Variants in GAP43 observed in about 807,000 individuals in gnomAD.
GAP43 encodes the protein neuromodulin.
Under a neutral mutation model 18.6 loss-of-function variants are expected in GAP43, and 6 were observed. The observed-to-expected ratio is 0.32, with a 90% CI of 0.18 to 0.64. GAP43 has a LOEUF of 0.64. Among genes scored for constraint, GAP43 ranks in the 30% least tolerant of loss-of-function variants. The pLI, the probability that GAP43 is intolerant of heterozygous loss-of-function variation, is 0.78. For synonymous variants in GAP43, 115 were observed against 111.4 expected, an observed-to-expected ratio of 1.03 and a Z score of -0.20; for missense variants, 292 against 295.5, an observed-to-expected ratio of 0.99 and a Z score of 0.09.
At chr3:115,646,682 T>C (rs1708461539) in intron 1 of GAP43, among the ~76,000 whole-genome samples, 2 of 151,926 alleles carry the variant, frequency 1.3e-5, no homozygotes, top group Non-Finnish European at 2.9e-5. Flanking sequence ...CTCAGAAATA[T>C]TTACAGTGCT....
At chr3:115,660,593 C>T (rs1035830425) in intron 1 of GAP43, among the ~76,000 whole-genome samples, 1 of 152,186 alleles carries the variant, frequency 6.6e-6, no homozygotes, top group African/African-American at 2.4e-5. Flanking sequence ...AATAGAGGCA[C>T]CTCTGAAACT....
At chr3:115,718,361 C>CTAAT (rs1325163995) in intron 2 of GAP43, among the ~76,000 whole-genome samples, 2 of 152,288 alleles carry the variant, frequency 1.3e-5, no homozygotes, top group East Asian at 3.9e-4. Context: ...AAAAGAATTC[C>CTAAT]TAATTGTTTT....
Position 115,623,571 on chromosome 3 carries a change from C to A in GAP43, c.-119C>A, listed in dbSNP as rs1708140973. 2.3e-6 allele frequency: 3 copies of A among 1,322,824 alleles called. No homozygotes were observed. The highest frequency in any genetic ancestry group is 3.2e-6 in the Non-Finnish European group (3 of 934,780). The allele number at this position is 1,322,824 out of a possible 1,614,324, so 81.9% of individuals were successfully genotyped here. On this transcript the variant is annotated 5_prime_UTR_variant, in exon 1 of 3. Transcript: ENST00000305124. ...GAGAGAGGGAGGGAGGGAGAGAGAG[C>A]GCGCTAGCGCGAGAGAGCGAGTGAG...
chr3:115,654,524 G>A (rs1043307945), intron 1 of GAP43, among the ~76,000 whole-genome samples: 2 of 152,106 alleles, frequency 1.3e-5, no homozygotes, highest in Non-Finnish European at 2.9e-5. Flanking sequence ...AGTCAGAAGA[G>A]TGCTTCAGTA....
intron 1 of GAP43, among the ~76,000 whole-genome samples, chr3:115,660,847 TCTGTCCTC>T (rs899001393): frequency 6.6e-6 from 1 of 152,230 alleles, no homozygotes; most frequent in Non-Finnish European, 1.5e-5. Flanking sequence ...GTAGACAGCA[TCTGTCCTC>T]CTTGCCTTTC....
rs907478054 is a variant in GAP43 at position 115,690,620 on chromosome 3, T to C, written c.628+14010T>C. ...GGTAACATATTTAAAGAACCAGGTA[T>C]AGAGTAGGTCCTCAATTATTATCAT... On this transcript the variant is annotated intron_variant, in intron 2 of 2. Coordinates refer to ENST00000305124, the MANE Select transcript of GAP43 (RefSeq NM_002045.4). Among the ~76,000 whole-genome samples, 7 of 152,210 alleles carry C rather than the reference T, an allele frequency of 4.6e-5. No homozygotes were observed. In the East Asian group the frequency reaches 1.4e-3, roughly 29 times the overall value.
chr3:115,666,035 TG>T (rs1283677020), intron 1 of GAP43, among the ~76,000 whole-genome samples: 8 of 141,664 alleles, frequency 5.6e-5, no homozygotes, highest in Non-Finnish European at 9.3e-5. Flanking sequence ...TGTGTGTGGT[TG>T]GGGGATGTCA....
chr3:115,667,659 A>T (rs1027343698), intron 1 of GAP43, among the ~76,000 whole-genome samples: 2 of 152,146 alleles, frequency 1.3e-5, no homozygotes, highest in Admixed American at 1.3e-4. Flanking sequence ...GGAGCTTGGC[A>T]TGTGCTTTGC....
intron 1 of GAP43, among the ~76,000 whole-genome samples, chr3:115,637,167 A>G (rs1708340126): frequency 6.6e-6 from 1 of 151,854 alleles, no homozygotes; most frequent in Non-Finnish European, 1.5e-5. Flanking sequence ...AGCACATACT[A>G]CCTGTCCTTT....
chr3:115,719,609 C>T (rs188366598), intron 2 of GAP43, among the ~76,000 whole-genome samples: 1 of 152,342 alleles, frequency 6.6e-6, no homozygotes, highest in East Asian at 1.9e-4. Flanking sequence ...TTAAGCACAT[C>T]CTGGGTGACT....
intron 1 of GAP43, among the ~76,000 whole-genome samples, chr3:115,627,756 G>A (rs1156443708): frequency 6.6e-6 from 1 of 152,160 alleles, no homozygotes; most frequent in Non-Finnish European, 1.5e-5. Flanking sequence ...CCAAGCAGTG[G>A]CTGTTGCAAA....
chr3:115,707,744 G>T (rs1316930760), intron 2 of GAP43, among the ~76,000 whole-genome samples: 2 of 151,980 alleles, frequency 1.3e-5, no homozygotes, highest in Non-Finnish European at 2.9e-5. Flanking sequence ...TAGAAGATAG[G>T]TATAAAATTA....
intron 1 of GAP43, among the ~76,000 whole-genome samples, chr3:115,630,891 T>A (rs1708252686): frequency 6.6e-6 from 1 of 152,198 alleles, no homozygotes. Context: ...TTAAGCTATG[T>A]CTGGCACATC....
chr3:115,632,230 A>G (rs1427575042), intron 1 of GAP43, among the ~76,000 whole-genome samples: 1 of 151,916 alleles, frequency 6.6e-6, no homozygotes, highest in African/African-American at 2.4e-5. Context: ...GCTCACATCC[A>G]TCACATGAGG....
chr3:115,648,961 G>T (rs1195021430), intron 1 of GAP43, among the ~76,000 whole-genome samples: 1 of 152,086 alleles, frequency 6.6e-6, no homozygotes, highest in Non-Finnish European at 1.5e-5. Context: ...GTTTAGTTGA[G>T]TAGTGAGGAT....
intron 1 of GAP43, among the ~76,000 whole-genome samples, chr3:115,636,891 G>T (rs1262289323): frequency 6.6e-6 from 1 of 151,880 alleles, no homozygotes; most frequent in African/African-American, 2.4e-5. Flanking sequence ...TCATCTCTAA[G>T]GCTTTCCAAC....
At chr3:115,668,450 G>A (rs540174912) in intron 1 of GAP43, among the ~76,000 whole-genome samples, 3 of 152,136 alleles carry the variant, frequency 2.0e-5, no homozygotes, top group Non-Finnish European at 4.4e-5. Flanking sequence ...TTGAGACGGA[G>A]TTTCGCTCTT....
chr3:115,718,454 A>G (rs1340905284), intron 2 of GAP43, among the ~76,000 whole-genome samples: 2 of 152,176 alleles, frequency 1.3e-5, no homozygotes, highest in Admixed American at 1.3e-4. Context: ...AATTTTTGTA[A>G]TTCCTGAGGA....
At chr3:115,638,237 C>T (rs906889452) in intron 1 of GAP43, among the ~76,000 whole-genome samples, 10 of 152,160 alleles carry the variant, frequency 6.6e-5, no homozygotes, top group East Asian at 3.9e-4. Context: ...GCATCCCATT[C>T]CACGTAGAAT....
Sources: allele counts gnomAD v4.1 joint callset (sites outside exome capture counted in the v4.1 genomes callset), GRCh38; gene constraint gnomAD v4.1.1; transcripts MANE v1.5; gene names NCBI Gene and HGNC (gene_info 2026-07-23, HGNC 2026-07-21).